The following HAAO variants were observed in gnomAD, a reference collection of about 807,000 sequenced individuals.
HAAO encodes 3-hydroxyanthranilate 3,4-dioxygenase.
HAAO carries 49 observed loss-of-function variants against 46.2 expected under a neutral mutation model. That is an observed-to-expected ratio of 1.06 (90% CI 0.84 to 1.34). The LOEUF is 1.34. HAAO is among the 40% of genes most tolerant of loss of function. The probability of loss-of-function intolerance (pLI) is 0.00; values close to 1 mark genes in which losing one functional copy is unlikely to be tolerated. For missense variants in HAAO, 408 were observed against 364.5 expected, an observed-to-expected ratio of 1.12 and a Z score of -0.97; for synonymous variants, 157 against 145.2, an observed-to-expected ratio of 1.08 and a Z score of -0.58.
intron 4 of HAAO, 63 bp from the exon 5 acceptor site, chr2:42,770,645 C>G (rs1671044759): frequency 9.5e-7 from 1 of 1,047,760 alleles, no homozygotes; most frequent in African/African-American, 1.6e-5. Flanking sequence ...GGCAGCCCCA[C>G]TCAGGCCTGG....
At chr2:42,779,315 A>T (rs1244523847) in intron 4 of HAAO, among the ~76,000 whole-genome samples, 1 of 142,104 alleles carries the variant, frequency 7.0e-6, no homozygotes, top group Non-Finnish European at 1.5e-5. Context: ...AACTATAGTT[A>T]ATTGGGTTCA....
Position 42,792,562 on chromosome 2 carries a change from C to A in HAAO, c.-26G>T. 2 of 1,505,952 alleles carry A rather than the reference C, an allele frequency of 1.3e-6. No individual in the cohort carries two copies. The highest frequency in any genetic ancestry group is 1.8e-6 in the Non-Finnish European group (2 of 1,126,170). The allele number at this position is 1,505,952 out of a possible 1,614,324, so 93.3% of individuals were successfully genotyped here. A position where few individuals can be genotyped will look rare whatever the true frequency, so the allele number is the denominator to read the frequency against. On this transcript the variant is annotated 5_prime_UTR_variant, in exon 1 of 10. Transcript: ENST00000294973. ...GACTGTCCCGGGCGCCTCCTCGCAG[C>A]GCTGTCCTCCCGCCGTCGGAGGCCC...
At position 42,767,561 on chromosome 2, in the gene HAAO, A is replaced by T. The variant is rs532027720; in HGVS notation, c.782+34T>A. On this transcript the variant is annotated intron_variant, in intron 9 of 9. Transcript: ENST00000294973. ...AGGGATCACACAGAGTTGGACCCTG[A>T]GGATCCCAGGGAAAGCCCTCCCTGC... 4.4e-6 allele frequency: 7 copies of T among 1,585,668 alleles called. No homozygotes were observed. In the South Asian group the frequency reaches 8.0e-5, roughly 18 times the overall value.
chr2:42,782,842 C>G (rs1440947930), intron 4 of HAAO: 3 of 452,044 alleles, frequency 6.6e-6, no homozygotes, highest in South Asian at 1.6e-5. Flanking sequence ...CCAGACAGAA[C>G]CAATGTTTAT....
In HAAO at chr2:42,792,474, C is replaced by T; in HGVS notation, c.63G>A (p.Pro21=). ...VKENRGSFQP[P]VCNKLMHQEQ... The stretch of plus-strand genomic sequence containing the variant: ...GGACTCACATGAGCTTGTTGCAGAC[C>T]GGGGGCTGGAAGGAGCCCCGGTTCT... Residue 21 remains proline (P), a synonymous_variant, in exon 1 of 10, where the codon CCG becomes CCA. Coordinates refer to ENST00000294973, the MANE Select transcript of HAAO (RefSeq NM_012205.3). 3 of 1,587,980 alleles carry T rather than the reference C, an allele frequency of 1.9e-6. No individual in the cohort carries two copies. The highest frequency in any genetic ancestry group is 1.4e-5 in the African/African-American group (1 of 72,742).
chr2:42,768,923 G>C (rs1017473694), intron 7 of HAAO, among the ~76,000 whole-genome samples: 5 of 152,296 alleles, frequency 3.3e-5, no homozygotes, highest in African/African-American at 1.2e-4. Context: ...GTGCCAGGCT[G>C]TTTCAAGCCT....
chr2:42,791,542 C>T (rs1025290627), intron 1 of HAAO, among the ~76,000 whole-genome samples: 3 of 152,076 alleles, frequency 2.0e-5, no homozygotes, highest in African/African-American at 4.8e-5. Context: ...CGAACTGCTC[C>T]GTGGGTTGAG....
rs79823876 is a variant in HAAO at position 42,773,142 on chromosome 2, A to G, written c.351-2560T>C. On this transcript the variant is annotated intron_variant, in intron 4 of 9. Transcript: ENST00000294973. ...GGTGTTGACTCCCACTCCTCTCTAT[A>G]CTGTCCTGGCCCTAACTCCATATTT... 9.4e-3 allele frequency among the ~76,000 whole-genome samples: 1,437 copies of G among 152,266 alleles called. 18 individuals carry two copies. Among genetic ancestry groups the G allele is most frequent in the African/African-American group, 0.033 (1,387 of 41,552 alleles).
chr2:42,767,112 T>C lies in HAAO; in HGVS notation c.*325A>G. 2.2e-6 allele frequency: 1 copy of C among 451,800 alleles called. No individual in the cohort carries two copies. Among genetic ancestry groups the C allele is most frequent in the South Asian group, 2.4e-5 (1 of 41,840 alleles). 28.0% of individuals were successfully genotyped at this position (451,800 alleles called of 1,614,324 possible). A position where few individuals can be genotyped will look rare whatever the true frequency, so the allele number is the denominator to read the frequency against. The stretch of plus-strand genomic sequence containing the variant: ...TGTGCGTTCCTCAGGAAGCCTTTAT[T>C]GAGGGCCTTCTTGGTGTGGAAGTGC... On this transcript the variant is annotated 3_prime_UTR_variant, in exon 10 of 10. Transcript: ENST00000294973.
chr2:42,770,171 C>T lies in HAAO; in HGVS notation c.456G>A (p.Glu152=), dbSNP rs1297027334. Residue 152 remains glutamate, a synonymous_variant, in exon 6 of 10, where the codon GAG becomes GAA. Coordinates refer to ENST00000294973, the MANE Select transcript of HAAO (RefSeq NM_012205.3). ...GGATGGGCTTTCCTGTTCTGTACTG[C>T]TCAGAGCTGAAGAACCTGCAAGGAC... is the stretch of plus-strand genomic sequence containing the variant. ...APIIQEFFSS[E]QYRTGKPIPD... is the part of the protein sequence containing the mutation. 1.2e-6 allele frequency: 2 copies of T among 1,601,930 alleles called. No homozygotes were observed. Among genetic ancestry groups the T allele is most frequent in the Admixed American group, 1.7e-5 (1 of 58,930 alleles).
Position 42,771,444 on chromosome 2 carries a change from T to TA in HAAO, c.351-863dup, listed in dbSNP as rs112130512. 6.6e-3 allele frequency among the ~76,000 whole-genome samples: 820 copies of TA among 124,722 alleles called. 7 individuals carry two copies. Among genetic ancestry groups the TA allele is most frequent in the East Asian group, 6.9e-3 (27 of 3,896 alleles). 81.8% of individuals were successfully genotyped at this position (124,722 alleles called of 152,430 possible). A position where few individuals can be genotyped will look rare whatever the true frequency, so the allele number is the denominator to read the frequency against. On this transcript the variant is annotated intron_variant, in intron 4 of 9. Transcript: ENST00000294973. ...TCTGTCTCAAAAGTAAATAAATAAG[T>TA]AAAAAAAAAAAAAAAAAGAAGCCAA...
At chr2:42,784,918 G>C (rs1266095618) in intron 2 of HAAO, among the ~76,000 whole-genome samples, 1 of 152,208 alleles carries the variant, frequency 6.6e-6, no homozygotes, top group African/African-American at 2.4e-5. Context: ...AAAGTTCTAG[G>C]TGAATCCAGA....
In HAAO at chr2:42,789,079, G is replaced by A. The variant is rs1017986983; in HGVS notation, c.81-472C>T. ...CATGGCTCAGTGGATGCAGGAGACCGTGACATCTAGCAGGGGCCTCAGGCG... is the reference window on the plus strand; with the variant it reads ...CATGGCTCAGTGGATGCAGGAGACCATGACATCTAGCAGGGGCCTCAGGCG... On this transcript the variant is annotated intron_variant, in intron 1 of 9. Transcript: ENST00000294973. 5 of 183,856 alleles carry A rather than the reference G, an allele frequency of 2.7e-5. No homozygotes were observed. The South Asian group carries it at 5.6e-4, about 20-fold the overall frequency. The allele number at this position is 183,856 out of a possible 1,614,324, so 11.4% of individuals were successfully genotyped here. A position where few individuals can be genotyped will look rare whatever the true frequency, so the allele number is the denominator to read the frequency against.
chr2:42,786,415 G>A (rs1000757498), intron 2 of HAAO, among the ~76,000 whole-genome samples: 1 of 152,218 alleles, frequency 6.6e-6, no homozygotes, highest in African/African-American at 2.4e-5. Context: ...ATAATGAATA[G>A]AATCTGGCTT....
intron 2 of HAAO, among the ~76,000 whole-genome samples, chr2:42,786,491 A>G (rs1381863890): frequency 6.6e-6 from 1 of 152,194 alleles, no homozygotes; most frequent in Non-Finnish European, 1.5e-5. Flanking sequence ...GGAACAATGC[A>G]TATCAAGCAC....
Position 42,792,569 on chromosome 2 carries a change from C to G in HAAO, c.-33G>C. 6.8e-7 allele frequency: 1 copy of G among 1,481,092 alleles called. No individual in the cohort carries two copies. Among genetic ancestry groups the G allele is most frequent in the East Asian group, 2.6e-5 (1 of 38,116 alleles). 91.7% of individuals were successfully genotyped at this position (1,481,092 alleles called of 1,614,324 possible). A position where few individuals can be genotyped will look rare whatever the true frequency, so the allele number is the denominator to read the frequency against. On this transcript the variant is annotated 5_prime_UTR_variant, in exon 1 of 10. Coordinates refer to ENST00000294973, the MANE Select transcript of HAAO (RefSeq NM_012205.3). ...CCGGGCGCCTCCTCGCAGCGCTGTC[C>G]TCCCGCCGTCGGAGGCCCGCAGCTC...
intron 4 of HAAO, among the ~76,000 whole-genome samples, chr2:42,774,167 T>C (rs1201629611): frequency 6.6e-6 from 1 of 152,208 alleles, no homozygotes; most frequent in Non-Finnish European, 1.5e-5. Context: ...TCTGACTCTC[T>C]TGGGCACACG....
At position 42,770,070 on chromosome 2, in the gene HAAO, C is replaced by T. The variant is rs147810491; in HGVS notation, c.484+73G>A. On this transcript the variant is annotated intron_variant, in intron 6 of 9. Transcript: ENST00000294973. ...AGTATTCAAAAAGAGACTCCCCGGT[C>T]CCCTGGACCAAAACCCATCCTATTT... 1,177 of 1,426,068 alleles carry T rather than the reference C, an allele frequency of 8.3e-4. 10 individuals carry two copies. The African/African-American group carries it at 0.014, about 17-fold the overall frequency. The allele number at this position is 1,426,068 out of a possible 1,614,324, so 88.3% of individuals were successfully genotyped here.
At chr2:42,792,223 T>G (rs1389258929) in intron 1 of HAAO, among the ~76,000 whole-genome samples, 1 of 152,088 alleles carries the variant, frequency 6.6e-6, no homozygotes, top group African/African-American at 2.4e-5. Flanking sequence ...TCCTACAGCC[T>G]GAGAACCAGC....
Sources: allele counts gnomAD v4.1 joint callset (sites outside exome capture counted in the v4.1 genomes callset), GRCh38; gene constraint gnomAD v4.1.1; transcripts MANE v1.5; gene names NCBI Gene and HGNC (gene_info 2026-07-23, HGNC 2026-07-21).